Variants in CRACD observed in about 807,000 individuals in gnomAD.
CRACD encodes capping protein inhibiting regulator of actin dynamics.
CRACD carries 56 observed loss-of-function variants against 106.8 expected under a neutral mutation model. That is an observed-to-expected ratio of 0.52 (90% CI 0.42 to 0.66). The LOEUF is 0.66. CRACD is among the 30% of genes least tolerant of loss of function. The pLI is 0.00. For synonymous variants in CRACD, 754 were observed against 670.8 expected, an observed-to-expected ratio of 1.12 and a Z score of -1.92; for missense variants, 1,730 against 1,623.2, an observed-to-expected ratio of 1.07 and a Z score of -1.13.
At chr4:56,316,799 T>C in intron 8 of CRACD, 110 bp downstream of exon 8, 2 of 1,337,864 alleles carry the variant, frequency 1.5e-6, no homozygotes, top group South Asian at 3.0e-5. Flanking sequence ...CAATACAGAT[T>C]TGAAAAAGGA....
chr4:56,101,821 T>G (rs899528674), intron 1 of CRACD, among the ~76,000 whole-genome samples: 4 of 151,964 alleles, frequency 2.6e-5, no homozygotes, highest in Admixed American at 6.6e-5. Flanking sequence ...TGTGCATATA[T>G]TAAACATTTT....
chr4:56,183,216 A>T (rs1188270065), intron 2 of CRACD, among the ~76,000 whole-genome samples: 1 of 147,776 alleles, frequency 6.8e-6, no homozygotes, highest in African/African-American at 2.5e-5. Context: ...CTGGGCTACA[A>T]GAGTGAAACT....
intron 2 of CRACD, among the ~76,000 whole-genome samples, chr4:56,251,810 G>A (rs1207491626): frequency 3.3e-5 from 5 of 152,194 alleles, no homozygotes; most frequent in Non-Finnish European, 7.3e-5. Flanking sequence ...CAGAGTGACT[G>A]CCACATATGC....
In CRACD at chr4:56,328,048, A is replaced by G. The variant is rs1328619256; in HGVS notation, c.*244A>G. On this transcript the variant is annotated 3_prime_UTR_variant, in exon 11 of 11. Coordinates refer to ENST00000682029, the MANE Select transcript of CRACD (RefSeq NM_001393381.1). ...AAGAGAAAATTCCGTCCACAGGACC[A>G]CATGAAGCAAAATCTCTAAGCTAAG... The G allele has an allele frequency of 2.4e-6, 1 of 425,206 alleles. No homozygotes were observed. Among genetic ancestry groups the G allele is most frequent in the Non-Finnish European group, 4.3e-6 (1 of 234,914 alleles). The allele number at this position is 425,206 out of a possible 1,614,324, so 26.3% of individuals were successfully genotyped here. A position where few individuals can be genotyped will look rare whatever the true frequency, so the allele number is the denominator to read the frequency against.
intron 3 of CRACD, among the ~76,000 whole-genome samples, chr4:56,281,043 T>C (rs1367514176): frequency 1.3e-5 from 2 of 152,142 alleles, no homozygotes; most frequent in Non-Finnish European, 2.9e-5. Flanking sequence ...GAGCTGAATA[T>C]GTCTAGAGAA....
At chr4:56,058,200 C>T (rs1732154194) in intron 1 of CRACD, among the ~76,000 whole-genome samples, 1 of 151,994 alleles carries the variant, frequency 6.6e-6, no homozygotes. Flanking sequence ...CTCCTGAGTA[C>T]CTGGGATTAT....
chr4:56,087,092 A>G (rs908250367), intron 1 of CRACD, among the ~76,000 whole-genome samples: 1 of 151,272 alleles, frequency 6.6e-6, no homozygotes, highest in African/African-American at 2.4e-5. Context: ...ACTCACTACA[A>G]CCTCCGCCTC....
chr4:56,249,573 G>A (rs1740926314), intron 2 of CRACD, among the ~76,000 whole-genome samples: 2 of 152,022 alleles, frequency 1.3e-5, no homozygotes, highest in African/African-American at 4.8e-5. Context: ...TTATTTACAG[G>A]CAATAAATCT....
intron 2 of CRACD, among the ~76,000 whole-genome samples, chr4:56,243,748 GAAGCATTT>G (rs1740507131): frequency 6.6e-6 from 1 of 152,130 alleles, no homozygotes; most frequent in African/African-American, 2.4e-5. Flanking sequence ...CCCATCCCCT[GAAGCATTT>G]ATCCTTCGAG....
chr4:56,153,988 G>A (rs144684626), intron 1 of CRACD, among the ~76,000 whole-genome samples: 1 of 152,232 alleles, frequency 6.6e-6, no homozygotes, highest in East Asian at 1.9e-4. Context: ...TAGGCACTTG[G>A]TTATTTACTT....
At chr4:56,159,422 G>A (rs888973265) in intron 1 of CRACD, among the ~76,000 whole-genome samples, 2 of 152,142 alleles carry the variant, frequency 1.3e-5, no homozygotes, top group African/African-American at 4.8e-5. Flanking sequence ...AGGCCGAGGC[G>A]GGTGGATCAC....
chr4:56,240,221 C>T (rs1317562966), intron 2 of CRACD, among the ~76,000 whole-genome samples: 1 of 151,792 alleles, frequency 6.6e-6, no homozygotes, highest in South Asian at 2.1e-4. Flanking sequence ...TGGGGAAGAT[C>T]AAGGAGGACG....
At chr4:56,308,019 T>C (rs1744860927) in intron 5 of CRACD, among the ~76,000 whole-genome samples, 1 of 152,198 alleles carries the variant, frequency 6.6e-6, no homozygotes, top group African/African-American at 2.4e-5. Flanking sequence ...TTGCTGTGTG[T>C]CTTTACCATT....
rs1032277724 is a variant in CRACD, at chr4:56,328,137, C to G, written c.*333C>G. On this transcript the variant is annotated 3_prime_UTR_variant, in exon 11 of 11. Transcript: ENST00000682029. Reference sequence around the variant, plus strand: ...CACACACACCCACCCACACACCATTCAGAACATGTACTTTTGCCAACCTTT... The same window carrying G: ...CACACACACCCACCCACACACCATTGAGAACATGTACTTTTGCCAACCTTT... The G allele has an allele frequency of 5.3e-6, 2 of 377,346 alleles. No individual in the cohort carries two copies. Among genetic ancestry groups the G allele is most frequent in the African/African-American group, 4.2e-5 (2 of 47,716 alleles). 23.4% of individuals were successfully genotyped at this position (377,346 alleles called of 1,614,324 possible).
Position 56,262,057 on chromosome 4 carries a change from G to GA in CRACD, c.-188-10259dup, listed in dbSNP as rs553061852. Among the ~76,000 whole-genome samples the GA allele has an allele frequency of 5.6e-3, 857 of 152,252 alleles. 7 individuals carry two copies. Among genetic ancestry groups the GA allele is most frequent in the Non-Finnish European group, 7.1e-3 (486 of 68,010 alleles). ...ATACTAAAAAGGATAGAAACCTAAT[G>GA]AAAAATGTAGCTCAGTTTTGTACAC... On this transcript the variant is annotated intron_variant, in intron 2 of 10. Transcript: ENST00000682029.
intron 2 of CRACD, among the ~76,000 whole-genome samples, chr4:56,270,246 A>G (rs1442437048): frequency 6.7e-6 from 1 of 149,102 alleles, no homozygotes; most frequent in Non-Finnish European, 1.5e-5. Context: ...TTTTTTAGAG[A>G]TGGGGTCTCA....
intron 1 of CRACD, among the ~76,000 whole-genome samples, chr4:56,102,191 C>G (rs1249567750): frequency 6.6e-6 from 1 of 152,232 alleles, no homozygotes; most frequent in African/African-American, 2.4e-5. Context: ...CCCATTTACA[C>G]TCCCACTTCA....
In CRACD at chr4:56,207,745, C is replaced by CATATATATAT. The variant is rs58423475; in HGVS notation, c.-189+28340_-189+28349dup. 7.6e-3 allele frequency among the ~76,000 whole-genome samples: 805 copies of CATATATATAT among 105,998 alleles called. 6 individuals carry two copies. Among genetic ancestry groups the CATATATATAT allele is most frequent in the East Asian group, 0.057 (146 of 2,578 alleles). The allele number at this position is 105,998 out of a possible 152,430, so 69.5% of individuals were successfully genotyped here. A position where few individuals can be genotyped will look rare whatever the true frequency, so the allele number is the denominator to read the frequency against. On this transcript the variant is annotated intron_variant, in intron 2 of 10. Coordinates refer to ENST00000682029, the MANE Select transcript of CRACD (RefSeq NM_001393381.1). ...GATACATTTTTAAAACTTGTTTTCT[C>CATATATATAT]ATATATATATATATATATATATATA...
chr4:56,078,737 C>A (rs957807961), intron 1 of CRACD, among the ~76,000 whole-genome samples: 4 of 152,140 alleles, frequency 2.6e-5, no homozygotes, highest in Non-Finnish European at 5.9e-5. Flanking sequence ...AAACAGACTC[C>A]AAGTTTCACT....
Sources: allele counts gnomAD v4.1 joint callset (sites outside exome capture counted in the v4.1 genomes callset), GRCh38; gene constraint gnomAD v4.1.1; transcripts MANE v1.5; gene names NCBI Gene and HGNC (gene_info 2026-07-23, HGNC 2026-07-21).